AUTS2: variants seen among roughly 807,000 people sequenced by gnomAD.
AUTS2 encodes the protein activator of transcription and developmental regulator AUTS2, also known as autism susceptibility gene 2 protein.
A neutral mutation model predicts 112.4 loss-of-function variants in AUTS2; 17 were observed. The observed-to-expected ratio is 0.15, with a 90% CI of 0.10 to 0.23. The LOEUF (loss-of-function observed/expected upper bound fraction) is 0.23. Among genes scored for constraint, AUTS2 ranks in the 10% least tolerant of loss-of-function variants. The pLI is 1.00. For synonymous variants in AUTS2, 751 were observed against 702.7 expected, an observed-to-expected ratio of 1.07 and a Z score of -1.09; for missense variants, 1,510 against 1,701.6, an observed-to-expected ratio of 0.89 and a Z score of 1.98.
chr7:70,409,601 G>A (rs528489822), intron 4 of AUTS2, among the ~76,000 whole-genome samples: 7 of 152,282 alleles, frequency 4.6e-5, no homozygotes, highest in South Asian at 4.1e-4. Flanking sequence ...ATGAGGAGGC[G>A]TGTCATCTTG....
At chr7:69,683,564 A>G (rs1796911724) in intron 1 of AUTS2, among the ~76,000 whole-genome samples, 1 of 150,732 alleles carries the variant, frequency 6.6e-6, no homozygotes, top group Non-Finnish European at 1.5e-5. Context: ...CAGAGCAAAA[A>G]CTATGACCCT....
At chr7:70,597,184 G>A (rs960675796) in intron 5 of AUTS2, among the ~76,000 whole-genome samples, 4 of 152,166 alleles carry the variant, frequency 2.6e-5, no homozygotes, top group Admixed American at 1.3e-4. Flanking sequence ...CTGATAAAGA[G>A]ATGTAACAGC....
intron 4 of AUTS2, among the ~76,000 whole-genome samples, chr7:70,278,039 T>G (rs1038851476): frequency 4.0e-5 from 6 of 151,790 alleles, no homozygotes; most frequent in Non-Finnish European, 1.5e-5. Context: ...TTTGGGTGAT[T>G]GGTAACATGA....
chr7:69,962,779 G>A (rs1436395233), intron 2 of AUTS2, among the ~76,000 whole-genome samples: 1 of 151,874 alleles, frequency 6.6e-6, no homozygotes, highest in African/African-American at 2.4e-5. Flanking sequence ...GTAGGGACTA[G>A]GAGGGCTGAA....
At chr7:70,691,880 T>TTC (rs1457564392) in intron 5 of AUTS2, among the ~76,000 whole-genome samples, 1 of 150,706 alleles carries the variant, frequency 6.6e-6, no homozygotes, top group African/African-American at 2.4e-5. Context: ...GACAATTTTT[T>TTC]TTTTTTTTTT....
At chr7:70,432,532 C>A (rs1247381537) in intron 4 of AUTS2, among the ~76,000 whole-genome samples, 2 of 152,136 alleles carry the variant, frequency 1.3e-5, no homozygotes, top group African/African-American at 4.8e-5. Context: ...TAAACCGCTG[C>A]CAGTGAAGCA....
chr7:69,938,721 G>C (rs557225710), intron 2 of AUTS2, among the ~76,000 whole-genome samples: 1 of 152,184 alleles, frequency 6.6e-6, no homozygotes, highest in African/African-American at 2.4e-5. Context: ...AAGTGTCTTA[G>C]ATAGACAAGG....
In AUTS2 at chr7:69,850,398, CAAAAAAAAAAAAAAAAAAAAA is replaced by C. The variant is rs60553891; in HGVS notation, c.310-48871_310-48851del. ...TGGGCAACAGAGCGAAACTCTGTCT[CAAAAAAAAAAAAAAAAAAAAA>C]AAAAAAAAAAAAAAAAGTCAGACTT... is the stretch of plus-strand genomic sequence containing the variant. On this transcript the variant is annotated intron_variant, in intron 1 of 18. Coordinates refer to ENST00000342771, the MANE Select transcript of AUTS2 (RefSeq NM_015570.4). Among the ~76,000 whole-genome samples, 17 of 34,680 alleles carry C rather than the reference CAAAAAAAAAAAAAAAAAAAAA, an allele frequency of 4.9e-4. 1 individual carries two copies. The highest frequency in any genetic ancestry group is 1.3e-3 in the African/African-American group (15 of 11,612). 22.8% of individuals were successfully genotyped at this position (34,680 alleles called of 152,430 possible).
intron 1 of AUTS2, among the ~76,000 whole-genome samples, chr7:69,652,442 A>T (rs1490846178): frequency 6.6e-6 from 1 of 150,390 alleles, no homozygotes; most frequent in Non-Finnish European, 1.5e-5. Context: ...ATGTACGGAG[A>T]CAGTAGTATG....
intron 1 of AUTS2, among the ~76,000 whole-genome samples, chr7:69,832,503 A>G (rs1456180217): frequency 1.3e-5 from 2 of 152,198 alleles, no homozygotes; most frequent in South Asian, 2.1e-4. Context: ...GGTAAGCATT[A>G]CAGACTCCCC....
chr7:70,622,277 C>G (rs1240873391), intron 5 of AUTS2, among the ~76,000 whole-genome samples: 1 of 152,140 alleles, frequency 6.6e-6, no homozygotes, highest in Non-Finnish European at 1.5e-5. Flanking sequence ...GCATCTTTGA[C>G]TTATATTCTC....
intron 2 of AUTS2, among the ~76,000 whole-genome samples, chr7:70,100,568 T>C (rs1414434932): frequency 6.6e-6 from 1 of 151,860 alleles, no homozygotes; most frequent in Non-Finnish European, 1.5e-5. Context: ...CCTAACGCTA[T>C]CCCTCCCCCA....
intron 1 of AUTS2, among the ~76,000 whole-genome samples, chr7:69,656,079 C>A (rs1795519172): frequency 6.6e-6 from 1 of 152,148 alleles, no homozygotes; most frequent in South Asian, 2.1e-4. Flanking sequence ...CTGTATGTCC[C>A]CTTTCTCTTC....
At chr7:70,188,883 G>A (rs771965228) in intron 4 of AUTS2, among the ~76,000 whole-genome samples, 12 of 151,200 alleles carry the variant, frequency 7.9e-5, no homozygotes, top group Admixed American at 2.6e-4. Flanking sequence ...CACCGCAACC[G>A]GCTGCATCTT....
chr7:70,132,461 C>T (rs1176025147), intron 3 of AUTS2, among the ~76,000 whole-genome samples: 1 of 152,108 alleles, frequency 6.6e-6, no homozygotes, highest in African/African-American at 2.4e-5. Context: ...GCAAGCCAAT[C>T]GCCATGAAAA....
chr7:70,657,816 G>A (rs940949864), intron 5 of AUTS2, among the ~76,000 whole-genome samples: 1 of 152,162 alleles, frequency 6.6e-6, no homozygotes, highest in Non-Finnish European at 1.5e-5. Flanking sequence ...GTGTGAACAA[G>A]TAACCTCATG....
intron 4 of AUTS2, among the ~76,000 whole-genome samples, chr7:70,173,884 C>T (rs1046192918): frequency 6.6e-6 from 1 of 152,066 alleles, no homozygotes; most frequent in Non-Finnish European, 1.5e-5. Flanking sequence ...TCTCTCTCTC[C>T]TTCCCTGGCC....
intron 2 of AUTS2, among the ~76,000 whole-genome samples, chr7:70,087,660 C>A (rs142028600): frequency 6.6e-6 from 1 of 152,042 alleles, no homozygotes. Context: ...TGAGTCCCTG[C>A]GCACAGCCTA....
At chr7:70,051,275 A>T (rs1416691195) in intron 2 of AUTS2, among the ~76,000 whole-genome samples, 1 of 152,172 alleles carries the variant, frequency 6.6e-6, no homozygotes, top group South Asian at 2.1e-4. Context: ...GAACTTTTTG[A>T]GTGCGTTTGT....
Sources: allele counts gnomAD v4.1 joint callset (sites outside exome capture counted in the v4.1 genomes callset), GRCh38; gene constraint gnomAD v4.1.1; transcripts MANE v1.5; gene names NCBI Gene and HGNC (gene_info 2026-07-23, HGNC 2026-07-21).